MAF: variants seen among roughly 807,000 people sequenced by gnomAD.
MAF encodes the protein MAF bZIP transcription factor.
In MAF, 10 loss-of-function variants were observed where a neutral mutation model predicts 22.0. That is an observed-to-expected ratio of 0.45 (90% CI 0.28 to 0.77). The LOEUF (loss-of-function observed/expected upper bound fraction) is 0.77. Ranked by LOEUF, MAF falls within the 30% of genes least tolerant of loss-of-function variation. MAF has a pLI of 0.12. For missense variants in MAF, 544 were observed against 548.4 expected, an observed-to-expected ratio of 0.99 and a Z score of 0.08; for synonymous variants, 337 against 255.8, an observed-to-expected ratio of 1.32 and a Z score of -3.03.
intron 1 of MAF, chr16:79,597,399 C>T: frequency 9.7e-7 from 1 of 1,032,152 alleles, no homozygotes; most frequent in Non-Finnish European, 1.2e-6. Context: ...AATAATGGGG[C>T]AGTTTCTCTT....
At chr16:79,254,950 G>A in the MAF span, among the ~76,000 whole-genome samples, 1 of 152,142 alleles carries the variant, frequency 6.6e-6, no homozygotes, top group East Asian at 1.9e-4. Flanking sequence ...CGAATCCCCA[G>A]GTCAACGTAT....
At chr16:79,417,299 A>G in the MAF span, among the ~76,000 whole-genome samples, 1 of 152,212 alleles carries the variant, frequency 6.6e-6, no homozygotes, top group Non-Finnish European at 1.5e-5. Flanking sequence ...TATAGAAACA[A>G]TCAGATATCA....
the MAF span, among the ~76,000 whole-genome samples, chr16:79,518,550 T>G: frequency 1.3e-5 from 2 of 152,362 alleles, no homozygotes; most frequent in African/African-American, 4.8e-5. Context: ...TAGCACCAAC[T>G]GTGACCAGCT....
chr16:79,524,373 G>A, the MAF span, among the ~76,000 whole-genome samples: 1 of 152,186 alleles, frequency 6.6e-6, no homozygotes, highest in Non-Finnish European at 1.5e-5. Flanking sequence ...GCTGGGTTTT[G>A]TAGATGGGGA....
the MAF span, among the ~76,000 whole-genome samples, chr16:79,445,829 T>G: frequency 2.6e-5 from 4 of 152,232 alleles, no homozygotes; most frequent in Non-Finnish European, 4.4e-5. Context: ...TTGTGGTGTA[T>G]TATAGATGTT....
At chr16:79,409,765 TA>T in the MAF span, among the ~76,000 whole-genome samples, 1 of 152,162 alleles carries the variant, frequency 6.6e-6, no homozygotes, top group Non-Finnish European at 1.5e-5. Context: ...AGGCCATCCC[TA>T]CTCTACAGAG....
the MAF span, among the ~76,000 whole-genome samples, chr16:79,237,434 G>C: frequency 6.6e-6 from 1 of 152,030 alleles, no homozygotes; most frequent in Non-Finnish European, 1.5e-5. Context: ...GCTGTAATTG[G>C]CTAATAAGCA....
the MAF span, among the ~76,000 whole-genome samples, chr16:79,281,528 A>AG: frequency 6.7e-6 from 1 of 148,914 alleles, no homozygotes; most frequent in Non-Finnish European, 1.5e-5. Flanking sequence ...CACCTTGAGA[A>AG]AGCTCACTCT....
At chr16:79,236,677 T>A in the MAF span, among the ~76,000 whole-genome samples, 35 of 152,170 alleles carry the variant, frequency 2.3e-4, no homozygotes, top group African/African-American at 8.2e-4. Flanking sequence ...CCCTGGTCCC[T>A]TTCCTTGTCC....
the MAF span, among the ~76,000 whole-genome samples, chr16:79,558,232 A>C: frequency 1.3e-5 from 2 of 152,010 alleles, no homozygotes; most frequent in African/African-American, 2.4e-5. Context: ...AAATGTGTGC[A>C]TTTATACTTG....
At chr16:79,471,635 C>T in the MAF span, among the ~76,000 whole-genome samples, 1 of 152,174 alleles carries the variant, frequency 6.6e-6, no homozygotes, top group Admixed American at 6.5e-5. Context: ...TGAGATCATG[C>T]CATTGCACTC....
the MAF span, among the ~76,000 whole-genome samples, chr16:79,494,569 G>T: frequency 3.3e-5 from 5 of 152,010 alleles, no homozygotes; most frequent in South Asian, 2.1e-4. Flanking sequence ...CCACCTCAAG[G>T]TCTATAACCT....
the MAF span, among the ~76,000 whole-genome samples, chr16:79,458,449 G>A: frequency 1.3e-5 from 2 of 152,094 alleles, no homozygotes; most frequent in East Asian, 3.9e-4. Flanking sequence ...ATTTTTATAT[G>A]TTTGATTATT....
At chr16:79,304,532 A>G in the MAF span, among the ~76,000 whole-genome samples, 3 of 152,282 alleles carry the variant, frequency 2.0e-5, no homozygotes, top group South Asian at 4.2e-4. Flanking sequence ...TGGTCTCACT[A>G]CCAGAACTAG....
the MAF span, among the ~76,000 whole-genome samples, chr16:79,555,768 G>T: frequency 2.0e-5 from 3 of 152,290 alleles, no homozygotes; most frequent in African/African-American, 7.2e-5. Flanking sequence ...AGACACTTCT[G>T]ATCTCAAGAA....
At chr16:79,537,884 G>C in the MAF span, among the ~76,000 whole-genome samples, 1 of 152,138 alleles carries the variant, frequency 6.6e-6, no homozygotes, top group African/African-American at 2.4e-5. Flanking sequence ...TTCCTGGCTT[G>C]ATGTAGGTTC....
At chr16:79,274,243 C>T in the MAF span, among the ~76,000 whole-genome samples, 1 of 126,190 alleles carries the variant, frequency 7.9e-6, no homozygotes, top group East Asian at 2.4e-4. Context: ...GCATGAGCCA[C>T]TTTGCCCAGC....
At chr16:79,224,850 A>G in the MAF span, among the ~76,000 whole-genome samples, 1 of 152,238 alleles carries the variant, frequency 6.6e-6, no homozygotes, top group East Asian at 1.9e-4. Flanking sequence ...CCACTGCTCA[A>G]GGAAATAAGA....
the MAF span, among the ~76,000 whole-genome samples, chr16:79,553,869 A>G: frequency 1.3e-5 from 2 of 152,092 alleles, no homozygotes; most frequent in African/African-American, 4.8e-5. Context: ...CGGGTGGATC[A>G]TTTGAGGTCA....
Sources: gnomAD v4.1 joint callset for allele counts (sites outside exome capture counted in the v4.1 genomes callset) on GRCh38, gnomAD v4.1.1 for gene constraint, MANE v1.5 for transcripts, NCBI Gene and HGNC (gene_info 2026-07-23, HGNC 2026-07-21) for gene names.